The following NEBL variants were observed in gnomAD, a reference collection of about 807,000 sequenced individuals.
NEBL encodes nebulette.
NEBL carries 122 observed loss-of-function variants against 140.2 expected under a neutral mutation model. The ratio of observed to expected loss-of-function variants is 0.87; its 90% CI spans 0.75 to 1.01. NEBL has a LOEUF of 1.01. NEBL is among the 50% of genes least tolerant of loss of function. The pLI is 0.00. For synonymous variants in NEBL, 436 were observed against 398.9 expected, an observed-to-expected ratio of 1.09 and a Z score of -1.11; for missense variants, 1,365 against 1,231.3, an observed-to-expected ratio of 1.11 and a Z score of -1.62.
intron 2 of NEBL, among the ~76,000 whole-genome samples, chr10:21,109,910 C>A (rs559970403): frequency 4.7e-4 from 72 of 152,148 alleles, no homozygotes; most frequent in Middle Eastern, 3.4e-3. Context: ...CTTTACTAGT[C>A]CAGCTAGTGG....
At chr10:20,946,959 C>T (rs1376080337) in intron 4 of NEBL, among the ~76,000 whole-genome samples, 1 of 151,988 alleles carries the variant, frequency 6.6e-6, no homozygotes, top group Non-Finnish European at 1.5e-5. Context: ...ACCCCAAGAT[C>T]CCCAGAAACT....
intron 3 of NEBL, among the ~76,000 whole-genome samples, chr10:21,244,351 T>C (rs79337819): frequency 6.6e-6 from 1 of 151,808 alleles, no homozygotes; most frequent in Non-Finnish European, 1.5e-5. Flanking sequence ...TTTTTTTTTT[T>C]TCAGTAGAGA....
chr10:21,266,182 C>G (rs904827219), intron 1 of NEBL, among the ~76,000 whole-genome samples: 4 of 152,164 alleles, frequency 2.6e-5, no homozygotes, highest in African/African-American at 9.6e-5. Flanking sequence ...ACTCTGTCAT[C>G]CAGGCTGGAC....
intron 3 of NEBL, among the ~76,000 whole-genome samples, chr10:20,965,586 T>A (rs760102807): frequency 3.3e-5 from 5 of 152,212 alleles, no homozygotes; most frequent in Non-Finnish European, 7.3e-5. Context: ...CACGGGGCTT[T>A]GCACGCCCTG....
chr10:20,946,515 G>T (rs1249916183), intron 4 of NEBL, among the ~76,000 whole-genome samples: 1 of 152,116 alleles, frequency 6.6e-6, no homozygotes, highest in African/African-American at 2.4e-5. Context: ...AGGCTGAAGT[G>T]CAGTAGTGTG....
intron 2 of NEBL, among the ~76,000 whole-genome samples, chr10:21,147,110 C>G (rs1471251990): frequency 1.3e-5 from 2 of 152,106 alleles, no homozygotes; most frequent in Non-Finnish European, 2.9e-5. Flanking sequence ...TCTTCAGCAC[C>G]TATTAATAAA....
At chr10:20,868,249 G>T in intron 7 of NEBL, 1 of 154,470 alleles carries the variant, frequency 6.5e-6, no homozygotes, top group Non-Finnish European at 1.4e-5. Flanking sequence ...TTTAAATTTT[G>T]TGATTAAACA....
intron 3 of NEBL, among the ~76,000 whole-genome samples, chr10:21,015,911 C>G (rs993589650): frequency 2.0e-5 from 3 of 152,172 alleles, no homozygotes; most frequent in African/African-American, 7.2e-5. Flanking sequence ...ACTTTTGTTT[C>G]TAAGTCAGGG....
At chr10:20,789,874 C>T (rs1446695930) in intron 26 of NEBL, among the ~76,000 whole-genome samples, 2 of 147,778 alleles carry the variant, frequency 1.4e-5, no homozygotes, top group Non-Finnish European at 3.0e-5. Context: ...TATACATACA[C>T]ATACACACAC....
At chr10:20,921,354 G>T (rs12356048) in intron 4 of NEBL, among the ~76,000 whole-genome samples, 1 of 152,018 alleles carries the variant, frequency 6.6e-6, no homozygotes, top group Non-Finnish European at 1.5e-5. Flanking sequence ...CTGAACCTGA[G>T]CACTGCATCT....
rs1031944638 is a variant in NEBL at position 20,782,689 on chromosome 10, G to A, written c.*3058C>T. ...TGGTGTATGGAGGTCGAGGAGACCT[G>A]GGATCATCAAGAGCCTCCTCCATGG... is the stretch of plus-strand genomic sequence containing the variant. On this transcript the variant is annotated 3_prime_UTR_variant, in exon 28 of 28. Transcript: ENST00000377122. 6.6e-6 allele frequency: 1 copy of A among 152,210 alleles called. No individual in the cohort carries two copies. Among genetic ancestry groups the A allele is most frequent in the Non-Finnish European group, 1.5e-5 (1 of 68,066 alleles). The allele number at this position is 152,210 out of a possible 1,614,324, so 9.4% of individuals were successfully genotyped here. A position where few individuals can be genotyped will look rare whatever the true frequency, so the allele number is the denominator to read the frequency against.
chr10:21,022,302 G>A lies in NEBL; in HGVS notation c.165-2101C>T, dbSNP rs1017040344. 3.9e-5 allele frequency among the ~76,000 whole-genome samples: 6 copies of A among 152,010 alleles called. 1 individual carries two copies. The highest frequency in any genetic ancestry group is 6.6e-5 in the Admixed American group (1 of 15,260). On this transcript the variant is annotated intron_variant, in intron 2 of 6. Transcript: ENST00000417816. ...CTAACATCCTCACTGTTTCAAACTC[G>A]ACTCTCCTGGTAAAAGTTTCTTTTC...
intron 1 of NEBL, among the ~76,000 whole-genome samples, chr10:21,270,282 T>A (rs928623155): frequency 1.3e-5 from 2 of 152,200 alleles, no homozygotes; most frequent in Non-Finnish European, 2.9e-5. Context: ...CATCTTCAAT[T>A]AAGCTGCACA....
chr10:21,097,869 G>A (rs1246467749), intron 2 of NEBL, among the ~76,000 whole-genome samples: 1 of 152,130 alleles, frequency 6.6e-6, no homozygotes, highest in African/African-American at 2.4e-5. Context: ...CCATGAGAAA[G>A]ACTCTAGTAG....
chr10:20,846,619 T>C (rs1341422096), intron 11 of NEBL, among the ~76,000 whole-genome samples: 1 of 152,154 alleles, frequency 6.6e-6, no homozygotes, highest in African/African-American at 2.4e-5. Flanking sequence ...AACTTTCCTC[T>C]TCCTTATGTG....
chr10:20,798,945 G>A (rs550770166), intron 26 of NEBL, among the ~76,000 whole-genome samples: 2 of 152,148 alleles, frequency 1.3e-5, no homozygotes, highest in South Asian at 4.2e-4. Flanking sequence ...CATTTCTATT[G>A]AGACTAGGAA....
At chr10:21,259,583 A>C (rs1842710718) in intron 1 of NEBL, among the ~76,000 whole-genome samples, 1 of 151,982 alleles carries the variant, frequency 6.6e-6, no homozygotes, top group South Asian at 2.1e-4. Context: ...CCCCACCCTT[A>C]CCCGTATCCC....
At chr10:20,895,336 A>C (rs1847385182) in intron 2 of NEBL, among the ~76,000 whole-genome samples, 1 of 152,208 alleles carries the variant, frequency 6.6e-6, no homozygotes, top group African/African-American at 2.4e-5. Context: ...TAATAATAAT[A>C]AGGCGAAGAA....
chr10:21,191,852 G>T lies in NEBL; in HGVS notation n.349-19375C>A, dbSNP rs537150742. Among the ~76,000 whole-genome samples the T allele has an allele frequency of 8.5e-5, 13 of 152,284 alleles. No homozygotes were observed. The South Asian group carries it at 2.3e-3, about 27-fold the overall frequency. On this transcript the variant is annotated intron_variant and non_coding_transcript_variant, in intron 3 of 8. Transcript: ENST00000675702. ...CCCACAAAGCATTTGATGATCAAAA[G>T]CTTCCCCAACTTCTAAAACTAGAAA...
Sources: gnomAD v4.1 joint callset for allele counts (sites outside exome capture counted in the v4.1 genomes callset) on GRCh38, gnomAD v4.1.1 for gene constraint, MANE v1.5 for transcripts, NCBI Gene and HGNC (gene_info 2026-07-23, HGNC 2026-07-21) for gene names.